The following SLC19A2 variants were observed in gnomAD, a reference collection of about 807,000 sequenced individuals.
SLC19A2 encodes solute carrier family 19 member 2.
In SLC19A2, 27 loss-of-function variants were observed where a neutral mutation model predicts 44.7. The ratio of observed to expected loss-of-function variants is 0.60; its 90% CI spans 0.45 to 0.83. The LOEUF is 0.83. Among genes scored for constraint, SLC19A2 ranks in the 40% least tolerant of loss-of-function variants. The pLI, the probability that SLC19A2 is intolerant of heterozygous loss-of-function variation, is 0.00. For synonymous variants in SLC19A2, 239 were observed against 243.6 expected (o/e 0.98, Z 0.18); for missense variants, 566 against 613.7 (o/e 0.92, Z 0.82).
intron 3 of SLC19A2, chr1:169,469,267 T>C (rs568130748): frequency 2.9e-5 from 6 of 210,210 alleles, no homozygotes; most frequent in East Asian, 2.7e-4. Context: ...ATGATAAGGA[T>C]AGCTAAAATC....
intron 2 of SLC19A2, among the ~76,000 whole-genome samples, chr1:169,475,883 G>A (rs1012161144): frequency 6.6e-6 from 1 of 152,180 alleles, no homozygotes; most frequent in Non-Finnish European, 1.5e-5. Flanking sequence ...AATTTTCAAT[G>A]AGGACATTAG....
At chr1:169,481,196 T>C (rs1385452847) in intron 1 of SLC19A2, among the ~76,000 whole-genome samples, 1 of 151,688 alleles carries the variant, frequency 6.6e-6, no homozygotes, top group Non-Finnish European at 1.5e-5. Context: ...CTAAATTCTC[T>C]CTATTTAATC....
At chr1:169,469,896 T>G in intron 3 of SLC19A2, 68 bp downstream of exon 3, 1 of 1,414,872 alleles carries the variant, frequency 7.1e-7, no homozygotes, top group Non-Finnish European at 1.0e-6. Context: ...TAAATCTGAT[T>G]ATGGCTGGCT....
In SLC19A2 at chr1:169,485,752, G is replaced by C; in HGVS notation, c.15C>G (p.Gly5=). ...CCGCCGCCGCCCGCCGAGACACCGG[G>C]CCGGGCACATCCATCCGGGGCGCGA... MDVP[G]PVSRRAAAAA... The change falls in exon 1 of 6, where the codon GGC becomes GGG. Residue 5 remains glycine, a synonymous_variant. Transcript: ENST00000236137. 1 of 1,535,182 alleles carries C rather than the reference G, an allele frequency of 6.5e-7. No homozygotes were observed. The highest frequency in any genetic ancestry group is 8.7e-7 in the Non-Finnish European group (1 of 1,145,030).
chr1:169,475,422 T>C (rs1658283057), intron 2 of SLC19A2, among the ~76,000 whole-genome samples: 1 of 152,160 alleles, frequency 6.6e-6, no homozygotes, highest in African/African-American at 2.4e-5. Context: ...CTTACTTATA[T>C]TCAAAAAAGT....
chr1:169,477,135 A>C lies in SLC19A2; in HGVS notation c.807+20T>G. ...CAGCCCCCATAGTAGCAATTACAAG[A>C]TATTTAAGGCTGAGCTTACCGGTTC... On this transcript the variant is annotated intron_variant, in intron 2 of 5. Coordinates refer to ENST00000236137, the MANE Select transcript of SLC19A2 (RefSeq NM_006996.3). 6.2e-7 allele frequency: 1 copy of C among 1,613,044 alleles called. No homozygotes were observed. The highest frequency in any genetic ancestry group is 8.5e-7 in the Non-Finnish European group (1 of 1,179,832).
intron 1 of SLC19A2, among the ~76,000 whole-genome samples, chr1:169,478,523 ATTTTTTTTTTT>A (rs35141285): frequency 7.5e-5 from 5 of 66,608 alleles, no homozygotes; most frequent in African/African-American, 1.3e-4. Flanking sequence ...CAACCAGCTA[ATTTTTTTTTTT>A]TTTTTTTTTT....
At position 169,469,684 on chromosome 1, in the gene SLC19A2, C is replaced by T. The variant is rs376613698; in HGVS notation, c.1030+280G>A. ...TTTCACATCAAGTGACAAAACTACC[C>T]AGTAAATACAGAGATAATGGAAACT... is the stretch of plus-strand genomic sequence containing the variant. On this transcript the variant is annotated intron_variant, in intron 3 of 5. Transcript: ENST00000236137. Among the ~76,000 whole-genome samples, 17 of 152,182 alleles carry T rather than the reference C, an allele frequency of 1.1e-4. No homozygotes were observed. The South Asian group carries it at 3.3e-3, about 30-fold the overall frequency.
Position 169,477,185 on chromosome 1 carries a change from T to C in SLC19A2, c.777A>G (p.Leu259=). The C allele has an allele frequency of 6.2e-7, 1 of 1,613,902 alleles. No homozygotes were observed. The highest frequency in any genetic ancestry group is 8.5e-7 in the Non-Finnish European group (1 of 1,179,950). The change falls in exon 2 of 6, where the codon CTA becomes CTG. Residue 259 remains leucine, a synonymous_variant. Transcript: ENST00000236137. ...CCTCCACGGGAGGCTCCTCCATATT[T>C]AGAGGGATTTTTGACTCAATGTCCT... ...GWEDIESKIP[L]NMEEPPVEEP... is the part of the protein sequence containing the mutation.
At chr1:169,472,763 G>C (rs951708620) in intron 2 of SLC19A2, among the ~76,000 whole-genome samples, 14 of 152,206 alleles carry the variant, frequency 9.2e-5, no homozygotes, top group African/African-American at 3.4e-4. Context: ...GCTATAATCT[G>C]CAGGCTTCCT....
Position 169,485,719 on chromosome 1 carries a change from GGCCGCC to G in SLC19A2, c.42_47del (p.Ala15_Ala16del), listed in dbSNP as rs776444312. ...CCCGAGCGGTCCGCAGGAGCACAGT[GGCCGCC>G]GCCGCCGCCGCCCGCCGAGACACCG... On this transcript the variant is annotated inframe_deletion, in exon 1 of 6. Transcript: ENST00000236137. 77 of 1,537,340 alleles carry G rather than the reference GGCCGCC, an allele frequency of 5.0e-5. No individual in the cohort carries two copies. The African/African-American group carries it at 9.7e-4, about 19-fold the overall frequency.
chr1:169,477,195 T>C lies in SLC19A2; in HGVS notation c.767A>G (p.Lys256Arg). Residue 256 changes from lysine (K) to arginine (R), a missense_variant, in exon 2 of 6, where the codon AAA becomes AGA. By Grantham distance (26) the Lys-to-Arg change is conservative. Transcript: ENST00000236137. ...AGGCTCCTCCATATTTAGAGGGATT[T>C]TTGACTCAATGTCCTCCCAGCCAGG... ...HLPGWEDIES[K>R]IPLNMEEPPV... 3.1e-6 allele frequency: 5 copies of C among 1,614,056 alleles called. No individual in the cohort carries two copies. The South Asian group carries it at 5.5e-5, about 18-fold the overall frequency.
chr1:169,471,622 G>A (rs1209241031), intron 2 of SLC19A2, among the ~76,000 whole-genome samples: 6 of 149,816 alleles, frequency 4.0e-5, no homozygotes, highest in African/African-American at 1.2e-4. Context: ...CCGTGATCAC[G>A]CCACTGCACT....
At position 169,477,772 on chromosome 1, in the gene SLC19A2, A is replaced by G; in HGVS notation, c.205-15T>C. The G allele has an allele frequency of 3.2e-6, 5 of 1,569,210 alleles. No homozygotes were observed. Among genetic ancestry groups the G allele is most frequent in the Non-Finnish European group, 8.7e-7 (1 of 1,151,024 alleles). On this transcript the variant is annotated splice_polypyrimidine_tract_variant and intron_variant, in intron 1 of 5. Transcript: ENST00000236137. The stretch of plus-strand genomic sequence containing the variant: ...TCATTGAAGACCTGGTAGAAAGAGA[A>G]AAAAAAAAAACAAAAAACATTAGTG...
intron 3 of SLC19A2, 38 bp downstream of exon 3, chr1:169,469,926 T>G (rs776341416): frequency 1.3e-5 from 21 of 1,563,950 alleles, no homozygotes; most frequent in Non-Finnish European, 1.8e-5. Context: ...GAGGAATCCC[T>G]CCCCCACCAC....
intron 2 of SLC19A2, among the ~76,000 whole-genome samples, chr1:169,471,688 G>GTGTGTGTGTA (rs1658185419): frequency 6.9e-6 from 1 of 145,732 alleles, no homozygotes; most frequent in Non-Finnish European, 1.5e-5. Flanking sequence ...GTGTGTGTGT[G>GTGTGTGTGTA]TGTGTGTGTG....
In SLC19A2 at chr1:169,485,588, G is replaced by C. The variant is rs373405573; in HGVS notation, c.179C>G (p.Pro60Arg). ...CTCCCTCTCGGTCAGGTTCTTGTCC[G>C]GCCCCAGCAGGTACGGGGTCAGGAA... ...EPFLTPYLLG[P>R]DKNLTEREVF... The change falls in exon 1 of 6, where the codon CCG (proline) becomes CGG (arginine). Residue 60 changes from proline (P) to arginine (R), a missense_variant. Coordinates refer to ENST00000236137, the MANE Select transcript of SLC19A2 (RefSeq NM_006996.3). The C allele has an allele frequency of 3.8e-5, 61 of 1,586,172 alleles. No homozygotes were observed. Among genetic ancestry groups the C allele is most frequent in the African/African-American group, 2.8e-4 (21 of 74,250 alleles).
intron 1 of SLC19A2, among the ~76,000 whole-genome samples, chr1:169,478,268 G>A (rs1055726292): frequency 6.6e-6 from 1 of 151,456 alleles, no homozygotes; most frequent in Non-Finnish European, 1.5e-5. Context: ...TCAAGGCCTA[G>A]TTCAAAGACT....
In SLC19A2 at chr1:169,477,587, T is replaced by C. The variant is rs780306031; in HGVS notation, c.375A>G (p.Gln125=). The C allele has an allele frequency of 6.8e-6, 11 of 1,613,906 alleles. No homozygotes were observed. The African/African-American group carries it at 1.5e-4, about 22-fold the overall frequency. Residue 125 remains glutamine, a synonymous_variant, in exon 2 of 6, where the codon CAA becomes CAG. Coordinates refer to ENST00000236137, the MANE Select transcript of SLC19A2 (RefSeq NM_006996.3). ...LLYAQGLLAI[Q]FLEFFYGIAT... is the part of the protein sequence containing the mutation. Reference sequence around the variant, plus strand: ...CGATGCCATAAAAAAATTCTAGAAATTGAATGGCCAGCAGTCCCTGGGCAT... The same window carrying C: ...CGATGCCATAAAAAAATTCTAGAAACTGAATGGCCAGCAGTCCCTGGGCAT...
Sources: gnomAD v4.1 joint callset for allele counts (sites outside exome capture counted in the v4.1 genomes callset) on GRCh38, gnomAD v4.1.1 for gene constraint, MANE v1.5 for transcripts, NCBI Gene and HGNC (gene_info 2026-07-23, HGNC 2026-07-21) for gene names.